The following TTC8 variants were observed in gnomAD, a reference collection of about 807,000 sequenced individuals.
The protein encoded by TTC8 is tetratricopeptide repeat domain 8, also known as tetratricopeptide repeat protein 8.
TTC8 carries 47 observed loss-of-function variants against 72.5 expected under a neutral mutation model. The ratio of observed to expected loss-of-function variants is 0.65; its 90% CI spans 0.51 to 0.83. The LOEUF (loss-of-function observed/expected upper bound fraction) is 0.83. TTC8 is among the 40% of genes least tolerant of loss of function. TTC8 has a pLI of 0.00. For missense variants in TTC8, 611 were observed against 623.2 expected (o/e 0.98, Z 0.21); for synonymous variants, 199 against 221.4 (o/e 0.90, Z 0.90).
chr14:88,850,797 G>T (rs372901642), intron 7 of TTC8, among the ~76,000 whole-genome samples: 10 of 152,200 alleles, frequency 6.6e-5, no homozygotes, highest in Non-Finnish European at 1.5e-4. Context: ...GTCAATATGC[G>T]TGACCTCGGT....
At chr14:88,872,570 G>A in intron 13 of TTC8, 118 bp downstream of exon 13, 1 of 1,427,902 alleles carries the variant, frequency 7.0e-7, no homozygotes, top group East Asian at 2.4e-5. Flanking sequence ...TGACAGGCGT[G>A]GATTTGAATC....
Position 88,877,364 on chromosome 14 carries a change from C to T in TTC8, c.1502C>T (p.Thr501Ile), listed in dbSNP as rs1566863678. 1.2e-6 allele frequency: 2 copies of T among 1,613,788 alleles called. No individual in the cohort carries two copies. Among genetic ancestry groups the T allele is most frequent in the Admixed American group, 1.7e-5 (1 of 59,996 alleles). ...GCAGCATTTCCAGACCATGTGGACA[C>T]ACAACATTTAATTAAACAATTAAGG... ...SEAAFPDHVD[T>I]QHLIKQLRQH... Residue 501 changes from threonine (T) to isoleucine (I), a missense_variant, in exon 15 of 15, where the codon ACA (threonine) becomes ATA (isoleucine). By Grantham distance (89) the Thr-to-Ile change is moderately conservative. Coordinates refer to ENST00000380656, the MANE Select transcript of TTC8 (RefSeq NM_144596.4).
At chr14:88,853,552 T>A (rs2094843194) in intron 8 of TTC8, among the ~76,000 whole-genome samples, 2 of 152,168 alleles carry the variant, frequency 1.3e-5, no homozygotes, top group South Asian at 4.1e-4. Context: ...TTTTCCCAGA[T>A]GAAAAAAATT....
intron 7 of TTC8, 133 bp downstream of exon 7, chr14:88,843,983 A>G (rs1197479608): frequency 1.5e-5 from 10 of 671,942 alleles, no homozygotes; most frequent in Non-Finnish European, 2.5e-5. Context: ...CTAATACTTT[A>G]AAATCCACCC....
Position 88,841,103 on chromosome 14 carries a change from A to G in TTC8, c.396A>G (p.Pro132=). The G allele has an allele frequency of 6.2e-7, 1 of 1,614,180 alleles. No homozygotes were observed. The highest frequency in any genetic ancestry group is 8.5e-7 in the Non-Finnish European group (1 of 1,180,020). Residue 132 remains proline, a synonymous_variant, in exon 5 of 15, where the codon CCA becomes CCG. Coordinates refer to ENST00000380656, the MANE Select transcript of TTC8 (RefSeq NM_144596.4). ...GGCCCAGCACGCAGAGTGGAAGGCCAGGCACTATGGAACAGGCTATCAGAA... is the reference window on the plus strand; with the variant it reads ...GGCCCAGCACGCAGAGTGGAAGGCCGGGCACTATGGAACAGGCTATCAGAA... ...FLRPSTQSGR[P]GTMEQAIRTP... is the part of the protein sequence containing the mutation.
At chr14:88,840,048 C>G in intron 3 of TTC8, 1 of 171,176 alleles carries the variant, frequency 5.8e-6, no homozygotes, top group South Asian at 1.3e-4. Context: ...ATGATTTGCT[C>G]TAAATCATAA....
chr14:88,830,893 C>T (rs1171589526), intron 1 of TTC8: 1 of 456,066 alleles, frequency 2.2e-6, no homozygotes, highest in East Asian at 7.0e-5. Context: ...CCTGATGGAT[C>T]TCCACAGAGC....
chr14:88,874,942 C>A (rs1262238097), intron 13 of TTC8, 84 bp from the exon 14 acceptor site: 9 of 1,060,684 alleles, frequency 8.5e-6, no homozygotes, highest in Admixed American at 2.2e-5. Context: ...GTAAAGAATT[C>A]TTTTACCAAA....
intron 1 of TTC8, among the ~76,000 whole-genome samples, chr14:88,833,212 AT>A (rs1438331436): frequency 6.6e-6 from 1 of 152,094 alleles, no homozygotes; most frequent in East Asian, 1.9e-4. Flanking sequence ...TATAAGTCTG[AT>A]TTTTTTAACC....
chr14:88,834,448 C>A (rs1314935919), intron 2 of TTC8, among the ~76,000 whole-genome samples: 1 of 152,026 alleles, frequency 6.6e-6, no homozygotes. Context: ...CCCTACCAAG[C>A]GAGATGGAAT....
At chr14:88,848,409 A>G (rs2094818649) in intron 7 of TTC8, among the ~76,000 whole-genome samples, 1 of 152,216 alleles carries the variant, frequency 6.6e-6, no homozygotes, top group Non-Finnish European at 1.5e-5. Context: ...AAACAATATG[A>G]TAATATAGAG....
rs2094785588 is a variant in TTC8 at position 88,842,354 on chromosome 14, T to C, written c.579+840T>C. On this transcript the variant is annotated intron_variant, in intron 6 of 14. Transcript: ENST00000380656. Reference sequence around the variant, plus strand: ...AAAATGGACACTAGCTGTACAGACTTAAGTTTAAGTCTGAAAAAAAGATGC... The same window carrying C: ...AAAATGGACACTAGCTGTACAGACTCAAGTTTAAGTCTGAAAAAAAGATGC... 2.6e-5 allele frequency among the ~76,000 whole-genome samples: 4 copies of C among 152,282 alleles called. No individual in the cohort carries two copies. The South Asian group carries it at 8.3e-4, about 32-fold the overall frequency.
At chr14:88,826,186 C>T (rs1280119260) in intron 1 of TTC8, among the ~76,000 whole-genome samples, 5 of 151,486 alleles carry the variant, frequency 3.3e-5, no homozygotes, top group African/African-American at 4.8e-5. Flanking sequence ...GACGGGATTT[C>T]ACCGTGTTAG....
chr14:88,858,338 G>C (rs1188037729), intron 9 of TTC8, among the ~76,000 whole-genome samples: 3 of 152,106 alleles, frequency 2.0e-5, no homozygotes, highest in Admixed American at 1.3e-4. Flanking sequence ...ACAAGTGGTG[G>C]TGATGACATG....
chr14:88,829,607 G>A (rs2094717088), intron 1 of TTC8, among the ~76,000 whole-genome samples: 1 of 152,138 alleles, frequency 6.6e-6, no homozygotes, highest in African/African-American at 2.4e-5. Flanking sequence ...TATTAAAATC[G>A]GTGATTCTGA....
In TTC8 at chr14:88,841,435, T is replaced by C. The variant is rs1374497767; in HGVS notation, c.500T>C (p.Leu167Pro). 3 of 1,613,586 alleles carry C rather than the reference T, an allele frequency of 1.9e-6. No homozygotes were observed. Among genetic ancestry groups the C allele is most frequent in the Non-Finnish European group, 2.5e-6 (3 of 1,179,780 alleles). ...RFVRLGTASMLTSPDGPFINL... is the reference protein window; with the variant it reads ...RFVRLGTASMPTSPDGPFINL... Reference sequence around the variant, plus strand: ...GTTTTTCCTCTGTAGGCTTCCATGCTTACAAGTCCTGATGGACCATTTATA... The same window carrying C: ...GTTTTTCCTCTGTAGGCTTCCATGCCTACAAGTCCTGATGGACCATTTATA... The change falls in exon 6 of 15, where the codon CTT (leucine) becomes CCT (proline). Residue 167 changes from leucine to proline, a missense_variant. Physicochemically the swap from Leu to Pro is moderately conservative, Grantham distance 98. Transcript: ENST00000380656.
intron 2 of TTC8, among the ~76,000 whole-genome samples, chr14:88,838,742 C>G (rs1004128980): frequency 6.6e-6 from 1 of 152,046 alleles, no homozygotes; most frequent in Non-Finnish European, 1.5e-5. Context: ...AAAATATTTG[C>G]CAGTTTAGAT....
At chr14:88,874,949 C>CAAA in intron 13 of TTC8, 77 bp from the exon 14 acceptor site, 16 of 999,724 alleles carry the variant, frequency 1.6e-5, no homozygotes, top group African/African-American at 3.2e-5. Context: ...ATTCTTTTAC[C>CAAA]AAAAAAAAAA....
At chr14:88,863,246 T>C (rs1206022288) in intron 10 of TTC8, among the ~76,000 whole-genome samples, 1 of 152,160 alleles carries the variant, frequency 6.6e-6, no homozygotes, top group Non-Finnish European at 1.5e-5. Context: ...CTGGGACTCA[T>C]AGTACTCAGC....
Sources: allele counts gnomAD v4.1 joint callset (sites outside exome capture counted in the v4.1 genomes callset), GRCh38; gene constraint gnomAD v4.1.1; transcripts MANE v1.5; gene names NCBI Gene and HGNC (gene_info 2026-07-23, HGNC 2026-07-21).